CHGB: variants seen among roughly 807,000 people sequenced by gnomAD.
CHGB encodes the protein chromogranin B, also known as secretogranin-1.
A neutral mutation model predicts 69.9 loss-of-function variants in CHGB; 46 were observed. That is an observed-to-expected ratio of 0.66 (90% confidence interval 0.52 to 0.84). The LOEUF is 0.84. Among genes scored for constraint, CHGB ranks in the 40% least tolerant of loss-of-function variants. The pLI is 0.00. For missense variants in CHGB, 796 were observed against 822.2 expected (o/e 0.97, Z 0.39); for synonymous variants, 312 against 298.2 (o/e 1.05, Z -0.48).
chr20:5,918,218 C>T (rs927924180), intron 3 of CHGB, among the ~76,000 whole-genome samples: 3 of 148,150 alleles, frequency 2.0e-5, no homozygotes, highest in Non-Finnish European at 4.5e-5. Flanking sequence ...CCCATCTCTA[C>T]TAAAAATACA....
At chr20:5,913,683 G>A (rs1304105757) in intron 1 of CHGB, among the ~76,000 whole-genome samples, 1 of 138,918 alleles carries the variant, frequency 7.2e-6, no homozygotes, top group Non-Finnish European at 1.5e-5. Flanking sequence ...AGGCTGGAGT[G>A]CGGTGGTGCA....
chr20:5,924,931 T>C (rs1311367942), intron 4 of CHGB, 41 bp from the exon 5 acceptor site: 1 of 1,245,800 alleles, frequency 8.0e-7, no homozygotes, highest in South Asian at 1.2e-5. Context: ...CAAAAGAAAT[T>C]GGTTCGGGAC....
intron 4 of CHGB, among the ~76,000 whole-genome samples, chr20:5,924,615 A>G (rs541467722): frequency 6.6e-6 from 1 of 152,282 alleles, no homozygotes; most frequent in African/African-American, 2.4e-5. Context: ...AGAAATTTGT[A>G]TCTGGGAGAG....
intron 1 of CHGB, chr20:5,914,572 T>G (rs533439094): frequency 5.8e-4 from 88 of 152,344 alleles, no homozygotes; most frequent in African/African-American, 1.9e-3. Context: ...TAAAGCTGCA[T>G]TTTTTAAAAG....
At chr20:5,916,509 A>C (rs1432413196) in intron 2 of CHGB, 137 bp downstream of exon 2, 6 of 787,034 alleles carry the variant, frequency 7.6e-6, no homozygotes, top group Non-Finnish European at 1.3e-5. Flanking sequence ...GAATGTGAGC[A>C]AGGGATGCCC....
chr20:5,916,217 C>T, intron 1 of CHGB, 109 bp from the exon 2 acceptor site: 1 of 758,658 alleles, frequency 1.3e-6, no homozygotes, highest in Non-Finnish European at 2.3e-6. Flanking sequence ...ATATTTAAGA[C>T]ATTGCCAGGG....
chr20:5,922,266 T>C lies in CHGB; in HGVS notation c.191-69T>C, dbSNP rs2088518234. ...CAGTGTCATCAGGATTTGTAGTGATTACTGAGGCTGGTGCTTGTGGAACCA... is the reference window on the plus strand; with the variant it reads ...CAGTGTCATCAGGATTTGTAGTGATCACTGAGGCTGGTGCTTGTGGAACCA... On this transcript the variant is annotated intron_variant, in intron 3 of 4. Coordinates refer to ENST00000378961, the MANE Select transcript of CHGB (RefSeq NM_001819.3). 4.1e-6 allele frequency: 6 copies of C among 1,479,434 alleles called. No individual in the cohort carries two copies. In the South Asian group the frequency reaches 9.0e-5, roughly 22 times the overall value. 91.6% of individuals were successfully genotyped at this position (1,479,434 alleles called of 1,614,324 possible). A position where few individuals can be genotyped will look rare whatever the true frequency, so the allele number is the denominator to read the frequency against.
In CHGB at chr20:5,923,741, A is replaced by T; in HGVS notation, c.1597A>T (p.Ser533Cys). 6.2e-7 allele frequency: 1 copy of T among 1,614,232 alleles called. No individual in the cohort carries two copies. The highest frequency in any genetic ancestry group is 8.5e-7 in the Non-Finnish European group (1 of 1,180,036). ...ATACTACGACCCTCTCCAGTGGAAG[A>T]GCAGCCATTTTGAAAGAAGAGACAA... ...NPYYDPLQWKSSHFERRDNMN... is the reference protein window; with the variant it reads ...NPYYDPLQWKCSHFERRDNMN... The change falls in exon 4 of 5, where the codon AGC (serine) becomes TGC (cysteine). Residue 533 changes from serine to cysteine, a missense_variant. Physicochemically the swap from Ser to Cys is moderately radical, Grantham distance 112. This residue lies in a region of CHGB where 274 missense variants were observed against 298.9 expected (regional missense o/e 0.92). Transcript: ENST00000378961.
intron 4 of CHGB, 70 bp from the exon 5 acceptor site, chr20:5,924,902 A>G: frequency 1.1e-6 from 1 of 896,866 alleles, no homozygotes; most frequent in Non-Finnish European, 1.8e-6. Flanking sequence ...CTTTGCACTC[A>G]TGCTCCATCA....
chr20:5,922,792 A>G lies in CHGB; in HGVS notation c.648A>G (p.Arg216=). The change falls in exon 4 of 5, where the codon AGA becomes AGG. Residue 216 remains arginine (R), a synonymous_variant. Coordinates refer to ENST00000378961, the MANE Select transcript of CHGB (RefSeq NM_001819.3). The part of the protein sequence containing the change: ...SAIKKEELVA[R]SETHAAGHSQ... ...TAAAAAAAGAGGAGTTAGTGGCCAG[A>G]TCGGAAACACATGCTGCCGGGCATT... 1.2e-6 allele frequency: 2 copies of G among 1,614,152 alleles called. No homozygotes were observed. Among genetic ancestry groups the G allele is most frequent in the Non-Finnish European group, 8.5e-7 (1 of 1,180,024 alleles).
At position 5,922,891 on chromosome 20, in the gene CHGB, C is replaced by A; in HGVS notation, c.747C>A (p.His249Gln). The change falls in exon 4 of 5, where the codon CAC (histidine) becomes CAA (glutamine). Residue 249 changes from histidine to glutamine, a missense_variant. By Grantham distance (24) the His-to-Gln change is conservative. Around this residue, in one of 3 missense-constraint regions of CHGB, gnomAD observed 518 missense variants for 506.3 expected, o/e 1.02. Coordinates refer to ENST00000378961, the MANE Select transcript of CHGB (RefSeq NM_001819.3). ...AGGAGACAGGGAGCCAGGAGAATCA[C>A]CCCCAGGAGTCTAAAGGCCAACCCC... ...SGEETGSQEN[H>Q]PQESKGQPRS... 2 of 1,613,486 alleles carry A rather than the reference C, an allele frequency of 1.2e-6. No individual in the cohort carries two copies. The highest frequency in any genetic ancestry group is 1.1e-5 in the South Asian group (1 of 91,046).
rs930868352 is a variant in CHGB at position 5,911,510 on chromosome 20, A to G, written c.-124A>G. The G allele has an allele frequency of 1.1e-4, 120 of 1,062,814 alleles. 1 individual carries two copies. The highest frequency in any genetic ancestry group is 1.5e-4 in the Non-Finnish European group (109 of 746,494). The allele number at this position is 1,062,814 out of a possible 1,614,324, so 65.8% of individuals were successfully genotyped here. On this transcript the variant is annotated 5_prime_UTR_variant, in exon 1 of 5. Coordinates refer to ENST00000378961, the MANE Select transcript of CHGB (RefSeq NM_001819.3). The stretch of plus-strand genomic sequence containing the variant: ...GAGCGGGGCCTGCGCCGGCCGCGCC[A>G]CACCGCGGGGACCAGGAGGCACGCT...
chr20:5,920,503 T>C (rs2088507660), intron 3 of CHGB, among the ~76,000 whole-genome samples: 1 of 152,226 alleles, frequency 6.6e-6, no homozygotes, highest in Admixed American at 6.5e-5. Flanking sequence ...GATGGCTGCC[T>C]TCTGTCACTG....
intron 2 of CHGB, 33 bp from the exon 3 acceptor site, chr20:5,916,793 G>A (rs774287961): frequency 1.2e-5 from 20 of 1,605,292 alleles, no homozygotes; most frequent in Non-Finnish European, 1.7e-5. Context: ...AGTGATACCA[G>A]CTTCTCCAAC....
chr20:5,920,570 C>T (rs2088508044), intron 3 of CHGB, among the ~76,000 whole-genome samples: 1 of 152,204 alleles, frequency 6.6e-6, no homozygotes, highest in African/African-American at 2.4e-5. Context: ...TTTCTTAGGG[C>T]ACTAATCCCA....
chr20:5,911,738 C>A, intron 1 of CHGB, 56 bp downstream of exon 1: 1 of 1,341,668 alleles, frequency 7.5e-7, no homozygotes, highest in Non-Finnish European at 9.6e-7. Context: ...CTCGCTCTTC[C>A]CCGCCGCTCC....
At position 5,923,119 on chromosome 20, in the gene CHGB, G is replaced by A; in HGVS notation, c.975G>A (p.Arg325=). Residue 325 remains arginine, a synonymous_variant, in exon 4 of 5, where the codon AGG becomes AGA. Transcript: ENST00000378961. ...GCATGGCCAGTTTAGGGGAAAAGAG[G>A]GACCACCATTCAACCCACTACAGGG... ...NVSMASLGEK[R]DHHSTHYRAS... 6 of 1,614,094 alleles carry A rather than the reference G, an allele frequency of 3.7e-6. No homozygotes were observed. The highest frequency in any genetic ancestry group is 1.1e-5 in the South Asian group (1 of 91,078).
chr20:5,918,750 T>TGCAGTAA (rs2122571865), intron 3 of CHGB, among the ~76,000 whole-genome samples: 1 of 128,502 alleles, frequency 7.8e-6, no homozygotes, highest in African/African-American at 2.9e-5. Context: ...AGGTGGAGGT[T>TGCAGTAA]GCAGTAAGCC....
At chr20:5,913,628 CTTTTTTTT>C (rs918275521) in intron 1 of CHGB, among the ~76,000 whole-genome samples, 1 of 90,472 alleles carries the variant, frequency 1.1e-5, no homozygotes, top group Non-Finnish European at 2.5e-5. Context: ...CTTTTCTTTT[CTTTTTTTT>C]TTTTTTTTTT....
Sources: gnomAD v4.1 joint callset for allele counts (sites outside exome capture counted in the v4.1 genomes callset) on GRCh38, gnomAD v4.1.1 for gene constraint, gnomAD v4.1.1 regional missense constraint, MANE v1.5 for transcripts, NCBI Gene and HGNC (gene_info 2026-07-23, HGNC 2026-07-21) for gene names.